The following DSC1 variants were observed in gnomAD, a reference collection of about 807,000 sequenced individuals.
DSC1 encodes desmocollin 1, also known as desmocollin-1.
DSC1 carries 79 observed loss-of-function variants against 98.8 expected under a neutral mutation model. The ratio of observed to expected loss-of-function variants is 0.80; its 90% CI spans 0.67 to 0.96. The LOEUF (loss-of-function observed/expected upper bound fraction) is 0.96, where lower values mean the gene tolerates loss of function less well. DSC1 is among the 50% of genes least tolerant of loss of function. The pLI, the probability that DSC1 is intolerant of heterozygous loss-of-function variation, is 0.00. For missense variants in DSC1, 1,115 were observed against 1,075.9 expected, an observed-to-expected ratio of 1.04 and a Z score of -0.51; for synonymous variants, 405 against 372.1, an observed-to-expected ratio of 1.09 and a Z score of -1.02.
chr18:31,148,531 T>A lies in DSC1; in HGVS notation c.739A>T (p.Thr247Ser), dbSNP rs563443467. ...DNAPYFEHRV[T>S]IFTVPENCRS... ...CAATTTTCAGGCACAGTAAAGATAG[T>A]CACTCTGTGTTCAAAATATGGGGCG... The change falls in exon 6 of 16, where the codon ACT (threonine) becomes TCT (serine). Residue 247 changes from threonine (T) to serine (S), a missense_variant. Thr to Ser is a moderately conservative substitution (Grantham distance 58, BLOSUM62 1). Coordinates refer to ENST00000257198, the MANE Select transcript of DSC1 (RefSeq NM_024421.2). The A allele has an allele frequency of 7.3e-5, 117 of 1,610,566 alleles. No individual in the cohort carries two copies. Among genetic ancestry groups the A allele is most frequent in the Middle Eastern group, 1.7e-4 (1 of 6,048 alleles).
chr18:31,159,146 T>G (rs376559008), intron 2 of DSC1, among the ~76,000 whole-genome samples: 2 of 62,880 alleles, frequency 3.2e-5, no homozygotes, highest in African/African-American at 1.1e-4. Flanking sequence ...CTCCGCCTCT[T>G]GGGTTCACGC....
In DSC1 at chr18:31,134,113, G is replaced by A. The variant is rs766289899; in HGVS notation, c.1894C>T (p.Arg632Cys). Reference protein sequence around the residue: ...EEKDGKTAILRQRQNLDYNYY... With the variant: ...EEKDGKTAILCQRQNLDYNYY... ...TTATAATCAAGATTTTGCCGTTGAC[G>A]AAGAATGGCAGTTTTACCTAGGGAA... Residue 632 changes from arginine to cysteine, a missense_variant, in exon 13 of 16, where the codon CGT becomes TGT. Physicochemically the swap from Arg to Cys is radical, Grantham distance 180 (BLOSUM62 -3). Coordinates refer to ENST00000257198, the MANE Select transcript of DSC1 (RefSeq NM_024421.2). The A allele has an allele frequency of 1.7e-5, 28 of 1,604,320 alleles. No individual in the cohort carries two copies. The highest frequency in any genetic ancestry group is 6.7e-5 in the East Asian group (3 of 44,770).
intron 5 of DSC1, among the ~76,000 whole-genome samples, chr18:31,150,494 T>G (rs914254232): frequency 1.5e-5 from 2 of 129,732 alleles, no homozygotes; most frequent in Non-Finnish European, 3.3e-5. Context: ...AGCACCATCA[T>G]CACCACACTA....
Position 31,162,642 on chromosome 18 carries a change from C to T in DSC1, c.-48G>A. ...GGACGGTGGCCAGATAACAGGGCAGCCTGGGATGCACAGAGCGGCTAAGAA... is the reference window on the plus strand; with the variant it reads ...GGACGGTGGCCAGATAACAGGGCAGTCTGGGATGCACAGAGCGGCTAAGAA... On this transcript the variant is annotated 5_prime_UTR_variant, in exon 1 of 16. Transcript: ENST00000257198. 6.4e-7 allele frequency: 1 copy of T among 1,568,390 alleles called. No individual in the cohort carries two copies. Among genetic ancestry groups the T allele is most frequent in the Non-Finnish European group, 8.8e-7 (1 of 1,138,846 alleles).
rs780801544 is a variant in DSC1 at position 31,157,559 on chromosome 18, A to C, written c.163T>G (p.Cys55Gly). 4 of 1,613,994 alleles carry C rather than the reference A, an allele frequency of 2.5e-6. No individual in the cohort carries two copies. In the East Asian group the frequency reaches 8.9e-5, roughly 36 times the overall value. Residue 55 changes from cysteine to glycine, a missense_variant, in exon 3 of 16, where the codon TGT becomes GGT. Coordinates refer to ENST00000257198, the MANE Select transcript of DSC1 (RefSeq NM_024421.2). The stretch of plus-strand genomic sequence containing the variant: ...CGGATTAGGCTGGCCGACTTGAGAC[A>C]CTCCTCCAGATTCACTGCAGGGAAG... The part of the protein sequence containing the change: ...TLVGKVNLEE[C>G]LKSASLIRSS...
Position 31,157,576 on chromosome 18 carries a change from G to T in DSC1, c.149-3C>A, listed in dbSNP as rs554082309. 3.7e-6 allele frequency: 6 copies of T among 1,614,078 alleles called. No homozygotes were observed. The South Asian group carries it at 5.5e-5, about 15-fold the overall frequency. ...CTTGAGACACTCCTCCAGATTCACT[G>T]CAGGGAAGAAATATCACAGCAGTTT... On this transcript the variant is annotated splice_region_variant and splice_polypyrimidine_tract_variant and intron_variant, in intron 2 of 15. Coordinates refer to ENST00000257198, the MANE Select transcript of DSC1 (RefSeq NM_024421.2).
At chr18:31,159,170 C>T (rs1989161425) in intron 2 of DSC1, among the ~76,000 whole-genome samples, 1 of 99,274 alleles carries the variant, frequency 1.0e-5, no homozygotes, top group African/African-American at 3.5e-5. Context: ...TCTCCTGCCT[C>T]AGCCTCCCGA....
At chr18:31,152,871 A>G (rs1485417695) in intron 5 of DSC1, among the ~76,000 whole-genome samples, 1 of 151,942 alleles carries the variant, frequency 6.6e-6, no homozygotes, top group African/African-American at 2.4e-5. Flanking sequence ...ATCCTGCTTC[A>G]AGTGATTTTA....
At chr18:31,131,104 A>T (rs781042880) in intron 15 of DSC1, among the ~76,000 whole-genome samples, 2 of 152,240 alleles carry the variant, frequency 1.3e-5, no homozygotes, top group Non-Finnish European at 2.9e-5. Flanking sequence ...TAATATATTA[A>T]ACTGGCTAAT....
chr18:31,131,680 C>G lies in DSC1; in HGVS notation c.2401G>C (p.Glu801Gln). Residue 801 changes from glutamate (E) to glutamine (Q), a missense_variant, in exon 15 of 16, where the codon GAG (glutamate) becomes CAG (glutamine). Coordinates refer to ENST00000257198, the MANE Select transcript of DSC1 (RefSeq NM_024421.2). ...SNKGGGHQTLESVKGVGQGDT... is the reference protein window; with the variant it reads ...SNKGGGHQTLQSVKGVGQGDT... Reference sequence around the variant, plus strand: ...CCCTGCCCCACTCCCTTGACGGACTCCAAGGTCTGATGTCCACCTCCTTTG... The same window carrying G: ...CCCTGCCCCACTCCCTTGACGGACTGCAAGGTCTGATGTCCACCTCCTTTG... 1 of 1,614,098 alleles carries G rather than the reference C, an allele frequency of 6.2e-7. No homozygotes were observed. Among genetic ancestry groups the G allele is most frequent in the South Asian group, 1.1e-5 (1 of 91,080 alleles).
chr18:31,157,047 C>T (rs191323019), intron 3 of DSC1, among the ~76,000 whole-genome samples: 81 of 152,286 alleles, frequency 5.3e-4, no homozygotes, highest in Middle Eastern at 3.4e-3. Flanking sequence ...AATCACATTT[C>T]GCTGAGTTTT....
chr18:31,138,010 G>GT (rs1555644300), intron 11 of DSC1, among the ~76,000 whole-genome samples: 7 of 123,520 alleles, frequency 5.7e-5, no homozygotes, highest in Admixed American at 4.0e-4. Context: ...TGTGTGTGTG[G>GT]ATTAAAGTTC....
intron 5 of DSC1, among the ~76,000 whole-genome samples, chr18:31,152,621 A>G (rs1568003784): frequency 6.6e-6 from 1 of 152,092 alleles, no homozygotes; most frequent in Non-Finnish European, 1.5e-5. Context: ...ACGGCATTTA[A>G]TGATCAGAAC....
chr18:31,150,360 TCATCACC>T lies in DSC1; in HGVS notation c.628-1725_628-1719del, dbSNP rs1598625766. The stretch of plus-strand genomic sequence containing the variant: ...ACTACCATCACCACCACCACCACCA[TCATCACC>T]ACCACCATCATCACCACCATCACCA... On this transcript the variant is annotated intron_variant, in intron 5 of 15. Transcript: ENST00000257198. Among the ~76,000 whole-genome samples, 99 of 22,628 alleles carry T rather than the reference TCATCACC, an allele frequency of 4.4e-3. 8 individuals are homozygous for T. Among genetic ancestry groups the T allele is most frequent in the East Asian group, 0.028 (9 of 316 alleles). The allele number at this position is 22,628 out of a possible 152,430, so 14.8% of individuals were successfully genotyped here. A position where few individuals can be genotyped will look rare whatever the true frequency, so the allele number is the denominator to read the frequency against.
intron 1 of DSC1, 108 bp from the exon 2 acceptor site, chr18:31,159,637 A>G (rs2143936716): frequency 9.4e-7 from 1 of 1,059,988 alleles, no homozygotes; most frequent in African/African-American, 1.6e-5. Context: ...GAAACAAATT[A>G]ATCATTTAAT....
chr18:31,157,624 C>G (rs1235525218), intron 2 of DSC1, 51 bp from the exon 3 acceptor site: 1 of 1,599,560 alleles, frequency 6.3e-7, no homozygotes, highest in Non-Finnish European at 8.6e-7. Context: ...AGGAGTGGAA[C>G]AAGTTTTACA....
chr18:31,154,610 T>A, intron 5 of DSC1, among the ~76,000 whole-genome samples, 164 bp downstream of exon 5: 1 of 152,186 alleles, frequency 6.6e-6, no homozygotes. Context: ...CCACTGTTTT[T>A]CCCCATCAAT....
chr18:31,154,862 TC>T lies in DSC1; in HGVS notation c.538del (p.Glu180AsnfsTer8), dbSNP rs756324010. ...CTCTATGTAAAACAAATTGAAGGGTTCTTTGTCCACGCCTGGCCCACTTATG... is the reference window on the plus strand; with the variant it reads ...CTCTATGTAAAACAAATTGAAGGGTTTTTGTCCACGCCTGGCCCACTTATG... ...YSISGPGVDK[E>X]PFNLFYIEKD... On this transcript the variant is annotated frameshift_variant, in exon 5 of 16. Transcript: ENST00000257198. LOFTEE classifies it high-confidence loss of function. 6.2e-7 allele frequency: 1 copy of T among 1,614,132 alleles called. No individual in the cohort carries two copies. The highest frequency in any genetic ancestry group is 2.2e-5 in the East Asian group (1 of 44,866).
chr18:31,132,643 C>T lies in DSC1; in HGVS notation c.2163G>A (p.Lys721=), dbSNP rs1481273022. 4 of 1,613,326 alleles carry T rather than the reference C, an allele frequency of 2.5e-6. No homozygotes were observed. The Admixed American group carries it at 6.7e-5, about 27-fold the overall frequency. ...GGGCTATGTCTTCTGGAAAACATTT[C>T]TTGACTGTTCTCTTAGCAGTGACAC... The part of the protein sequence containing the change: ...CFCVTAKRTV[K]KCFPEDIAQQ... Residue 721 remains lysine (K), a synonymous_variant, in exon 14 of 16, where the codon AAG becomes AAA. Coordinates refer to ENST00000257198, the MANE Select transcript of DSC1 (RefSeq NM_024421.2).
Sources: gnomAD v4.1 joint callset for allele counts (sites outside exome capture counted in the v4.1 genomes callset) on GRCh38, gnomAD v4.1.1 for gene constraint, MANE v1.5 for transcripts, NCBI Gene and HGNC (gene_info 2026-07-23, HGNC 2026-07-21) for gene names.